The following PDGFRB variants were observed in gnomAD, a reference collection of about 807,000 sequenced individuals.
PDGFRB encodes platelet derived growth factor receptor beta.
PDGFRB carries 42 observed loss-of-function variants against 120.2 expected under a neutral mutation model. The observed-to-expected ratio is 0.35, with a 90% CI of 0.27 to 0.45. PDGFRB has a LOEUF of 0.45. Ranked by LOEUF, PDGFRB falls within the 20% of genes least tolerant of loss-of-function variation. PDGFRB has a pLI of 1.00. For synonymous variants in PDGFRB, 586 were observed against 606.8 expected (o/e 0.97, Z 0.50); for missense variants, 1,149 against 1,476.3 (o/e 0.78, Z 3.63).
chr5:150,119,423 G>C (rs1379462733), intron 20 of PDGFRB, 44 bp downstream of exon 20: 2 of 1,084,058 alleles, frequency 1.8e-6, no homozygotes, highest in Non-Finnish European at 2.9e-6. Flanking sequence ...GATATCTATT[G>C]TTTGCAGCAC....
chr5:150,142,248 C>A (rs1760804321), intron 1 of PDGFRB, among the ~76,000 whole-genome samples: 1 of 152,166 alleles, frequency 6.6e-6, no homozygotes, highest in Non-Finnish European at 1.5e-5. Flanking sequence ...CTGAAGCTCA[C>A]CTGGCTGCGC....
chr5:150,131,524 T>A (rs1760466343), intron 8 of PDGFRB, among the ~76,000 whole-genome samples: 1 of 152,244 alleles, frequency 6.6e-6, no homozygotes, highest in Non-Finnish European at 1.5e-5. Flanking sequence ...TCTCCCGCAG[T>A]GTTAGTTACC....
rs2113908618 is a variant in PDGFRB at position 150,133,701 on chromosome 5, G to A, written c.819C>T (p.Arg273=). ...CGGCACTGGGGATGTGCAGGATGGAGCGGATGTGGTAAGGCATATCCAAGA... is the reference window on the plus strand; with the variant it reads ...CGGCACTGGGGATGTGCAGGATGGAACGGATGTGGTAAGGCATATCCAAGA... ...DFLLDMPYHI[R]SILHIPSAEL... Residue 273 remains arginine, a synonymous_variant, in exon 6 of 23, where the codon CGC becomes CGT. Coordinates refer to ENST00000261799, the MANE Select transcript of PDGFRB (RefSeq NM_002609.4). The A allele has an allele frequency of 3.1e-6, 5 of 1,614,082 alleles. No individual in the cohort carries two copies. The highest frequency in any genetic ancestry group is 4.2e-6 in the Non-Finnish European group (5 of 1,179,936).
At chr5:150,124,166 G>T in intron 14 of PDGFRB, 84 bp downstream of exon 14, 1 of 889,074 alleles carries the variant, frequency 1.1e-6, no homozygotes, top group Non-Finnish European at 1.8e-6. Flanking sequence ...GTGCTGTTGT[G>T]CAAGGCCTGA....
At chr5:150,129,361 T>A (rs1297799671) in intron 10 of PDGFRB, among the ~76,000 whole-genome samples, 1 of 152,142 alleles carries the variant, frequency 6.6e-6, no homozygotes, top group African/African-American at 2.4e-5. Context: ...AGGTGTATGC[T>A]TATACACATA....
At chr5:150,141,605 G>A (rs142155794) in intron 1 of PDGFRB, among the ~76,000 whole-genome samples, 80 of 152,292 alleles carry the variant, frequency 5.3e-4, no homozygotes, top group African/African-American at 1.8e-3. Context: ...GTTGGGTCTG[G>A]GGAGAAGGCA....
At chr5:150,122,679 T>C (rs1033975139) in intron 15 of PDGFRB, among the ~76,000 whole-genome samples, 3 of 152,216 alleles carry the variant, frequency 2.0e-5, no homozygotes, top group Admixed American at 1.3e-4. Flanking sequence ...TGGAGGCTGA[T>C]GTGTAGAGGC....
chr5:150,124,296 C>T lies in PDGFRB; in HGVS notation c.1977G>A (p.Gly659=). The T allele has an allele frequency of 1.2e-6, 2 of 1,614,076 alleles. No individual in the cohort carries two copies. Among genetic ancestry groups the T allele is most frequent in the Non-Finnish European group, 1.7e-6 (2 of 1,179,930 alleles). ...ACAGGTTGACCACGTTCAGGTGGGG[C>T]CCAAGGTGACTCATGATCTTCAGCT... ...MSELKIMSHL[G]PHLNVVNLLG... Residue 659 remains glycine, a synonymous_variant, in exon 14 of 23, where the codon GGG becomes GGA. Transcript: ENST00000261799.
intron 1 of PDGFRB, among the ~76,000 whole-genome samples, chr5:150,144,941 T>C (rs757184020): frequency 1.2e-4 from 18 of 151,900 alleles, no homozygotes; most frequent in Admixed American, 3.3e-4. Context: ...ACAATAATAA[T>C]AATAGCTACC....
At chr5:150,149,534 C>T (rs568511742) in intron 1 of PDGFRB, among the ~76,000 whole-genome samples, 1 of 152,218 alleles carries the variant, frequency 6.6e-6, no homozygotes, top group East Asian at 1.9e-4. Context: ...TCCACCCACC[C>T]ACCAATCCAT....
chr5:150,135,909 A>G, intron 2 of PDGFRB, 31 bp from the exon 3 acceptor site: 1 of 1,472,310 alleles, frequency 6.8e-7, no homozygotes, highest in Non-Finnish European at 9.1e-7. Context: ...GACATCAGGA[A>G]ACAGGGGCTT....
Position 150,114,236 on chromosome 5 carries a change from C to G in PDGFRB, c.*1527G>C. 4.3e-6 allele frequency: 1 copy of G among 233,252 alleles called. No individual in the cohort carries two copies. The highest frequency in any genetic ancestry group is 8.5e-6 in the Non-Finnish European group (1 of 117,992). The allele number at this position is 233,252 out of a possible 1,614,324, so 14.4% of individuals were successfully genotyped here. ...TGCTAGGTCTGGGCAGTGACAAAAC[C>G]ATACCCCCATGGAGCGCTGCCTCAG... On this transcript the variant is annotated 3_prime_UTR_variant, in exon 23 of 23. Transcript: ENST00000261799.
intron 1 of PDGFRB, among the ~76,000 whole-genome samples, chr5:150,150,839 T>C (rs989153710): frequency 2.0e-5 from 3 of 152,090 alleles, no homozygotes; most frequent in African/African-American, 7.2e-5. Context: ...CCTTGCTTCC[T>C]CTTGAAATTA....
chr5:150,150,703 A>G (rs1761053921), intron 1 of PDGFRB, among the ~76,000 whole-genome samples: 1 of 151,958 alleles, frequency 6.6e-6, no homozygotes, highest in African/African-American at 2.4e-5. Flanking sequence ...CTCAGGAGGG[A>G]TGTGAAGTGG....
intron 1 of PDGFRB, among the ~76,000 whole-genome samples, chr5:150,143,524 T>G (rs1296946059): frequency 6.6e-6 from 1 of 151,660 alleles, no homozygotes; most frequent in Non-Finnish European, 1.5e-5. Flanking sequence ...GGCCTGGGAG[T>G]CTGTGGGGGC....
intron 8 of PDGFRB, 141 bp from the exon 9 acceptor site, chr5:150,130,803 C>A (rs1446856909): frequency 2.7e-6 from 2 of 741,550 alleles, no homozygotes; most frequent in African/African-American, 1.8e-5. Context: ...TACCAGGAAT[C>A]AGTGTGAAAA....
In PDGFRB at chr5:150,137,318, C is replaced by T. The variant is rs1240903378; in HGVS notation, c.-6-265G>A. On this transcript the variant is annotated intron_variant, in intron 1 of 22. Coordinates refer to ENST00000261799, the MANE Select transcript of PDGFRB (RefSeq NM_002609.4). ...ACTCTCACGTGGCCTCGGCTGCGTC[C>T]CCAGACTCTCTCTGTGCCTTAGTTT... 4.6e-5 allele frequency: 20 copies of T among 434,078 alleles called. No homozygotes were observed. The South Asian group carries it at 6.0e-4, about 13-fold the overall frequency. 26.9% of individuals were successfully genotyped at this position (434,078 alleles called of 1,614,324 possible).
At chr5:150,141,132 G>T (rs1021947642) in intron 1 of PDGFRB, among the ~76,000 whole-genome samples, 2 of 152,200 alleles carry the variant, frequency 1.3e-5, no homozygotes, top group Non-Finnish European at 2.9e-5. Context: ...GGCCATGTGG[G>T]TGCCAAGCCC....
rs5872159 is a variant in PDGFRB, at chr5:150,118,934, C to CT, written c.2799-83dup. 0.041 allele frequency: 32,552 copies of CT among 799,488 alleles called. 930 individuals are homozygous for CT. Among genetic ancestry groups the CT allele is most frequent in the Admixed American group, 0.085 (3,664 of 43,328 alleles). 49.5% of individuals were successfully genotyped at this position (799,488 alleles called of 1,614,324 possible). ...GGCTGGGGGAGCAGGAGGCTGCTGCCTCTCAGAACAAGGTGAGCCATGGAA... is the reference window on the plus strand; with the variant it reads ...GGCTGGGGGAGCAGGAGGCTGCTGCCTTCTCAGAACAAGGTGAGCCATGGAA... On this transcript the variant is annotated intron_variant, in intron 20 of 22. Coordinates refer to ENST00000261799, the MANE Select transcript of PDGFRB (RefSeq NM_002609.4).
Sources: allele counts gnomAD v4.1 joint callset (sites outside exome capture counted in the v4.1 genomes callset), GRCh38; gene constraint gnomAD v4.1.1; transcripts MANE v1.5; gene names NCBI Gene and HGNC (gene_info 2026-07-23, HGNC 2026-07-21).